The following SAMD12 variants were observed in gnomAD, a reference collection of about 807,000 sequenced individuals.
SAMD12 encodes the protein sterile alpha motif domain-containing protein 12.
A neutral mutation model predicts 15.0 loss-of-function variants in SAMD12; 9 were observed. That is an observed-to-expected ratio of 0.60 (90% CI 0.36 to 1.05). The LOEUF (loss-of-function observed/expected upper bound fraction) is 1.05. Among genes scored for constraint, SAMD12 ranks in the 50% least tolerant of loss-of-function variants. The probability of loss-of-function intolerance (pLI) is 0.01; values close to 1 mark genes in which losing one functional copy is unlikely to be tolerated. For missense variants in SAMD12, 230 were observed against 234.2 expected (o/e 0.98, Z 0.12); for synonymous variants, 86 against 90.1 (o/e 0.96, Z 0.25).
intron 4 of SAMD12, among the ~76,000 whole-genome samples, chr8:118,363,340 G>T (rs1442755070): frequency 6.6e-6 from 1 of 152,110 alleles, no homozygotes; most frequent in Non-Finnish European, 1.5e-5. Flanking sequence ...GGTAAATAGA[G>T]TTAGGCAGAT....
chr8:118,405,383 C>T (rs889625296), intron 3 of SAMD12, among the ~76,000 whole-genome samples: 1 of 151,420 alleles, frequency 6.6e-6, no homozygotes, highest in Non-Finnish European at 1.5e-5. Flanking sequence ...ACAAAAACTA[C>T]AGCCATACTC....
intron 3 of SAMD12, among the ~76,000 whole-genome samples, chr8:118,415,125 G>A (rs1821615434): frequency 6.6e-6 from 1 of 152,118 alleles, no homozygotes. Flanking sequence ...CCTACATTTA[G>A]CCTGTGTGAA....
chr8:118,507,617 C>A (rs1824956678), intron 2 of SAMD12, among the ~76,000 whole-genome samples: 1 of 152,164 alleles, frequency 6.6e-6, no homozygotes, highest in Admixed American at 6.5e-5. Context: ...TGTATATTAG[C>A]TGTAGTATAG....
chr8:118,200,099 G>A (rs913099285), intron 4 of SAMD12, among the ~76,000 whole-genome samples: 1 of 152,066 alleles, frequency 6.6e-6, no homozygotes, highest in Admixed American at 6.5e-5. Context: ...ATTCTCTCTT[G>A]CCTGCTCCCA....
chr8:118,615,636 C>T (rs935656603), intron 1 of SAMD12, among the ~76,000 whole-genome samples: 4 of 152,214 alleles, frequency 2.6e-5, no homozygotes, highest in Admixed American at 1.3e-4. Context: ...TTCAGATCCC[C>T]AGCTCCCCCT....
chr8:118,614,670 G>A (rs1828196151), intron 1 of SAMD12, among the ~76,000 whole-genome samples: 1 of 152,218 alleles, frequency 6.6e-6, no homozygotes, highest in Non-Finnish European at 1.5e-5. Context: ...GAGGGTAGCA[G>A]GGAGGAGCAA....
intron 2 of SAMD12, among the ~76,000 whole-genome samples, chr8:118,526,636 T>A (rs1825545383): frequency 6.6e-6 from 1 of 151,652 alleles, no homozygotes; most frequent in Admixed American, 6.6e-5. Flanking sequence ...ACCAGAAGAG[T>A]GCTGTTCATA....
At chr8:118,444,009 T>C (rs16891032) in intron 2 of SAMD12, among the ~76,000 whole-genome samples, 3,691 of 152,230 alleles carry the variant, frequency 0.024, 135 homozygotes, top group African/African-American at 0.084. Context: ...GACCGCCTCG[T>C]CTCCTTTCCT....
At chr8:118,433,452 A>AGACG (rs1251864291) in intron 3 of SAMD12, among the ~76,000 whole-genome samples, 2 of 150,818 alleles carry the variant, frequency 1.3e-5, no homozygotes, top group African/African-American at 2.4e-5. Context: ...AATCCTTGGA[A>AGACG]GACATCTAAA....
intron 4 of SAMD12, among the ~76,000 whole-genome samples, chr8:118,308,468 G>C (rs1384202501): frequency 6.6e-6 from 1 of 152,058 alleles, no homozygotes; most frequent in Non-Finnish European, 1.5e-5. Flanking sequence ...TTGCAGGGAG[G>C]AAAATGAATT....
At chr8:118,204,570 T>A (rs1274388477) in intron 4 of SAMD12, among the ~76,000 whole-genome samples, 1 of 152,006 alleles carries the variant, frequency 6.6e-6, no homozygotes, top group Non-Finnish European at 1.5e-5. Flanking sequence ...CTGGCTAACA[T>A]GGTGAAACCC....
intron 3 of SAMD12, among the ~76,000 whole-genome samples, chr8:118,432,309 T>G (rs906442057): frequency 1.3e-5 from 2 of 151,920 alleles, no homozygotes; most frequent in African/African-American, 4.8e-5. Flanking sequence ...TTGTAATTTT[T>G]TGTGTGTGTC....
At chr8:118,555,878 C>A (rs1447761080) in intron 2 of SAMD12, among the ~76,000 whole-genome samples, 3 of 152,300 alleles carry the variant, frequency 2.0e-5, no homozygotes, top group African/African-American at 4.8e-5. Flanking sequence ...GTAATAGTTA[C>A]AATTGGATCC....
At chr8:118,305,640 T>C (rs765891166) in intron 4 of SAMD12, among the ~76,000 whole-genome samples, 32 of 152,222 alleles carry the variant, frequency 2.1e-4, no homozygotes, top group Non-Finnish European at 4.3e-4. Flanking sequence ...AAGGACACTC[T>C]TTTGCTTTAC....
At chr8:118,289,719 C>G (rs1296578397) in intron 4 of SAMD12, among the ~76,000 whole-genome samples, 1 of 152,138 alleles carries the variant, frequency 6.6e-6, no homozygotes, top group Non-Finnish European at 1.5e-5. Flanking sequence ...TTTTTGTTAT[C>G]ATTTTTTTGA....
the SAMD12 span, among the ~76,000 whole-genome samples, chr8:118,159,892 G>T: frequency 6.6e-5 from 10 of 151,748 alleles, no homozygotes; most frequent in Non-Finnish European, 1.3e-4. Context: ...GCTAATTTTT[G>T]TATTTTTAGT....
intron 1 of SAMD12, among the ~76,000 whole-genome samples, chr8:118,611,752 T>C (rs1828117323): frequency 6.6e-6 from 1 of 152,206 alleles, no homozygotes; most frequent in Admixed American, 6.5e-5. Context: ...AGGAGTTCTG[T>C]AGTATTTGAA....
chr8:118,383,432 G>T (rs543223029), intron 3 of SAMD12, among the ~76,000 whole-genome samples: 7 of 152,300 alleles, frequency 4.6e-5, no homozygotes, highest in African/African-American at 1.7e-4. Context: ...GGAAGCAAGA[G>T]TTAGACAAAA....
intron 2 of SAMD12, among the ~76,000 whole-genome samples, chr8:118,467,885 G>A (rs1156593969): frequency 6.6e-6 from 1 of 152,142 alleles, no homozygotes; most frequent in Admixed American, 6.5e-5. Flanking sequence ...AGCCTAAAAG[G>A]CTTTGACAAG....
Sources: allele counts gnomAD v4.1 joint callset (sites outside exome capture counted in the v4.1 genomes callset), GRCh38; gene constraint gnomAD v4.1.1; transcripts MANE v1.5; gene names NCBI Gene and HGNC (gene_info 2026-07-23, HGNC 2026-07-21).